Variants in MRTFA observed in about 807,000 individuals in gnomAD.
MRTFA encodes the protein myocardin related transcription factor A.
Under a neutral mutation model 83.5 loss-of-function variants are expected in MRTFA, and 20 were observed. That is an observed-to-expected ratio of 0.24 (90% CI 0.17 to 0.35). The LOEUF (loss-of-function observed/expected upper bound fraction) is 0.35. MRTFA is among the 10% of genes least tolerant of loss of function. MRTFA has a pLI of 1.00. For missense variants in MRTFA, 1,200 were observed against 1,224.7 expected (o/e 0.98, Z 0.30); for synonymous variants, 659 against 541.2 (o/e 1.22, Z -3.02).
intron 2 of MRTFA, among the ~76,000 whole-genome samples, chr22:40,590,350 C>A (rs1198845571): frequency 6.6e-6 from 1 of 151,930 alleles, no homozygotes; most frequent in Non-Finnish European, 1.5e-5. Flanking sequence ...ATGAGACAAA[C>A]CAACATGGTA....
At chr22:40,517,218 TG>T (rs1403024852) in intron 3 of MRTFA, among the ~76,000 whole-genome samples, 2 of 152,242 alleles carry the variant, frequency 1.3e-5, no homozygotes, top group Non-Finnish European at 2.9e-5. Flanking sequence ...TCACTGTGCC[TG>T]GCCCCTTAAA....
chr22:40,567,053 A>T (rs1247834659), intron 2 of MRTFA, among the ~76,000 whole-genome samples: 1 of 152,154 alleles, frequency 6.6e-6, no homozygotes, highest in Non-Finnish European at 1.5e-5. Context: ...CTGAATAAAC[A>T]TTTGTTATTA....
chr22:40,579,545 T>G (rs1034047856), intron 2 of MRTFA, among the ~76,000 whole-genome samples: 1 of 152,106 alleles, frequency 6.6e-6, no homozygotes, highest in African/African-American at 2.4e-5. Context: ...TAGCAAGCAG[T>G]ATTCTCACAC....
chr22:40,497,085 A>G (rs2054367863), intron 3 of MRTFA, among the ~76,000 whole-genome samples: 1 of 152,228 alleles, frequency 6.6e-6, no homozygotes, highest in Non-Finnish European at 1.5e-5. Context: ...TGGAGTTGAC[A>G]CTACAGGCTG....
intron 8 of MRTFA, 115 bp downstream of exon 8, chr22:40,424,091 C>A: frequency 1.7e-6 from 2 of 1,157,898 alleles, no homozygotes; most frequent in Non-Finnish European, 2.4e-6. Flanking sequence ...AGGGTAGCAT[C>A]CCCCTGGCTT....
chr22:40,632,424 C>T (rs1426097797), intron 1 of MRTFA, among the ~76,000 whole-genome samples: 1 of 152,056 alleles, frequency 6.6e-6, no homozygotes, highest in African/African-American at 2.4e-5. Flanking sequence ...GCTGGGATTA[C>T]AGGCATGGGC....
At chr22:40,622,526 T>C (rs2056536122) in intron 1 of MRTFA, among the ~76,000 whole-genome samples, 3 of 149,862 alleles carry the variant, frequency 2.0e-5, no homozygotes. Flanking sequence ...TCCAATCATA[T>C]GTCCTTACAA....
chr22:40,460,825 G>A (rs2053697384), intron 4 of MRTFA, among the ~76,000 whole-genome samples: 1 of 152,168 alleles, frequency 6.6e-6, no homozygotes, highest in Admixed American at 6.5e-5. Context: ...CATAATGTAG[G>A]TAAATAGTCT....
At chr22:40,489,482 AT>A (rs987145169) in intron 3 of MRTFA, among the ~76,000 whole-genome samples, 90 of 143,480 alleles carry the variant, frequency 6.3e-4, no homozygotes, top group Admixed American at 2.6e-3. Flanking sequence ...TAATTTTTTC[AT>A]TTTTTTTTTT....
intron 3 of MRTFA, among the ~76,000 whole-genome samples, chr22:40,549,936 C>T (rs2055419354): frequency 6.6e-6 from 1 of 151,746 alleles, no homozygotes; most frequent in African/African-American, 2.4e-5. Context: ...GTAATCCCAG[C>T]TACTCGGGTG....
At chr22:40,428,282 T>C (rs544004277) in intron 7 of MRTFA, among the ~76,000 whole-genome samples, 2 of 152,286 alleles carry the variant, frequency 1.3e-5, no homozygotes, top group South Asian at 4.1e-4. Flanking sequence ...TCAGACGCTA[T>C]CTGCAGGTAA....
At chr22:40,595,194 A>G (rs2056174372) in intron 1 of MRTFA, among the ~76,000 whole-genome samples, 1 of 141,308 alleles carries the variant, frequency 7.1e-6, no homozygotes. Flanking sequence ...ATCTCAGCTC[A>G]CTGCAACCTC....
chr22:40,469,105 C>T (rs1389950277), intron 3 of MRTFA, among the ~76,000 whole-genome samples: 1 of 152,146 alleles, frequency 6.6e-6, no homozygotes, highest in Non-Finnish European at 1.5e-5. Context: ...GAGTTTATCT[C>T]CTCTAAAAAT....
chr22:40,527,758 T>TA (rs56235942), intron 3 of MRTFA, among the ~76,000 whole-genome samples: 2,653 of 100,020 alleles, frequency 0.027, 33 homozygotes, highest in Middle Eastern at 0.049. Flanking sequence ...GACTCCATCT[T>TA]AAAAAAAAAA....
intron 4 of MRTFA, among the ~76,000 whole-genome samples, chr22:40,456,064 G>A (rs921915247): frequency 1.6e-4 from 25 of 152,016 alleles, no homozygotes; most frequent in Admixed American, 1.3e-3. Context: ...CAAAGTGCTG[G>A]GATTACAGGC....
intron 3 of MRTFA, among the ~76,000 whole-genome samples, chr22:40,548,257 G>A (rs561651395): frequency 1.7e-3 from 250 of 150,480 alleles, no homozygotes; most frequent in African/African-American, 6.0e-3. Flanking sequence ...TACTCAGGAG[G>A]CTGAGGCACA....
chr22:40,512,226 T>C (rs1299489199), intron 3 of MRTFA, among the ~76,000 whole-genome samples: 4 of 152,130 alleles, frequency 2.6e-5, no homozygotes, highest in African/African-American at 7.2e-5. Context: ...TATCCAAGAG[T>C]GTCCTCAAAA....
At chr22:40,553,239 C>T (rs772644417) in intron 2 of MRTFA, among the ~76,000 whole-genome samples, 20 of 152,172 alleles carry the variant, frequency 1.3e-4, no homozygotes, top group Non-Finnish European at 2.4e-4. Flanking sequence ...AACTCATTTT[C>T]TGGGGAGAAA....
rs72041822 is a variant in MRTFA at position 40,499,914 on chromosome 22, C to CTTTTTTT, written c.242-36635_242-36629dup. On this transcript the variant is annotated intron_variant, in intron 3 of 14. Transcript: ENST00000355630. Reference sequence around the variant, plus strand: ...ACCTGGACAAGATTTTCAAGTAGACCTTTTTTTTTTTTTTTTTTTTTTTTT... The same window carrying CTTTTTTT: ...ACCTGGACAAGATTTTCAAGTAGACCTTTTTTTTTTTTTTTTTTTTTTTTTTTTTTTT... Among the ~76,000 whole-genome samples, 100 of 84,952 alleles carry CTTTTTTT rather than the reference C, an allele frequency of 1.2e-3. 2 individuals carry two copies. Among genetic ancestry groups the CTTTTTTT allele is most frequent in the African/African-American group, 3.9e-3 (87 of 22,162 alleles). The allele number at this position is 84,952 out of a possible 152,430, so 55.7% of individuals were successfully genotyped here. A position where few individuals can be genotyped will look rare whatever the true frequency, so the allele number is the denominator to read the frequency against.
Sources: gnomAD v4.1 joint callset for allele counts (sites outside exome capture counted in the v4.1 genomes callset) on GRCh38, gnomAD v4.1.1 for gene constraint, MANE v1.5 for transcripts, NCBI Gene and HGNC (gene_info 2026-07-23, HGNC 2026-07-21) for gene names.